The following ARHGAP24 variants were observed in gnomAD, a reference collection of about 807,000 sequenced individuals.
ARHGAP24 encodes Rho GTPase activating protein 24, also known as rho GTPase-activating protein 24.
A neutral mutation model predicts 76.4 loss-of-function variants in ARHGAP24; 50 were observed. The observed-to-expected ratio is 0.65, with a 90% confidence interval of 0.52 to 0.83. ARHGAP24 has a LOEUF of 0.83. Ranked by LOEUF, ARHGAP24 falls within the 40% of genes least tolerant of loss-of-function variation. ARHGAP24 has a pLI of 0.00. For missense variants in ARHGAP24, 930 were observed against 914.2 expected (o/e 1.02, Z -0.22); for synonymous variants, 345 against 323.3 (o/e 1.07, Z -0.72).
chr4:85,864,958 G>C (rs1320360260), intron 3 of ARHGAP24, among the ~76,000 whole-genome samples: 8 of 152,042 alleles, frequency 5.3e-5, no homozygotes, highest in Non-Finnish European at 1.0e-4. Context: ...CTGTCATTGT[G>C]AGAAAATAAG....
chr4:85,830,389 G>A (rs190003464), intron 3 of ARHGAP24, among the ~76,000 whole-genome samples: 1 of 152,282 alleles, frequency 6.6e-6, no homozygotes, highest in East Asian at 1.9e-4. Context: ...TGTGTCCATC[G>A]TGCCTAGCAT....
At chr4:85,551,480 T>C (rs1216870903) in intron 1 of ARHGAP24, among the ~76,000 whole-genome samples, 1 of 152,228 alleles carries the variant, frequency 6.6e-6, no homozygotes, top group Admixed American at 6.5e-5. Flanking sequence ...GATATCGGCC[T>C]GACATTTTCT....
chr4:85,637,848 T>C (rs1272794033), intron 2 of ARHGAP24, among the ~76,000 whole-genome samples: 2 of 152,024 alleles, frequency 1.3e-5, no homozygotes, highest in Non-Finnish European at 2.9e-5. Flanking sequence ...CAAAGACATA[T>C]TTGAGGTTTT....
intron 2 of ARHGAP24, among the ~76,000 whole-genome samples, chr4:85,621,478 G>C (rs754388822): frequency 2.2e-4 from 34 of 152,074 alleles, no homozygotes; most frequent in Non-Finnish European, 4.6e-4. Flanking sequence ...ATGGGAGATG[G>C]TATCTCATTG....
At chr4:85,525,257 C>CTT (rs34087239) in intron 1 of ARHGAP24, among the ~76,000 whole-genome samples, 11,357 of 128,244 alleles carry the variant, frequency 0.089, 1,533 homozygotes, top group African/African-American at 0.29. Context: ...GTATTATCGG[C>CTT]TTTTTTTTTT....
chr4:85,849,002 A>T (rs559865919), intron 3 of ARHGAP24, among the ~76,000 whole-genome samples: 1 of 151,152 alleles, frequency 6.6e-6, no homozygotes, highest in Non-Finnish European at 1.5e-5. Flanking sequence ...TGGTAGCTTG[A>T]TGGGGATGGC....
At chr4:85,689,754 G>A (rs1723560258) in intron 2 of ARHGAP24, among the ~76,000 whole-genome samples, 1 of 152,150 alleles carries the variant, frequency 6.6e-6, no homozygotes, top group Non-Finnish European at 1.5e-5. Context: ...TTAGTTCTAG[G>A]AGCCTTTTGT....
chr4:85,499,562 A>G (rs1006472540), intron 1 of ARHGAP24, among the ~76,000 whole-genome samples: 1 of 152,256 alleles, frequency 6.6e-6, no homozygotes, highest in Non-Finnish European at 1.5e-5. Context: ...GTTCAAATGA[A>G]GAGAGCTCTT....
At chr4:85,935,587 T>A (rs1414104185) in intron 4 of ARHGAP24, among the ~76,000 whole-genome samples, 1 of 152,244 alleles carries the variant, frequency 6.6e-6, no homozygotes, top group African/African-American at 2.4e-5. Context: ...ACTTTTAGAA[T>A]CATATGGAGC....
At chr4:85,958,014 T>C (rs1031474711) in intron 5 of ARHGAP24, among the ~76,000 whole-genome samples, 1 of 152,216 alleles carries the variant, frequency 6.6e-6, no homozygotes, top group Non-Finnish European at 1.5e-5. Flanking sequence ...TAAATAAAAG[T>C]GCCCAATTAA....
intron 4 of ARHGAP24, among the ~76,000 whole-genome samples, chr4:85,933,032 C>T (rs1459714952): frequency 6.6e-6 from 1 of 152,174 alleles, no homozygotes; most frequent in Non-Finnish European, 1.5e-5. Context: ...CCTCTCAATT[C>T]TGGGTTCCTA....
At chr4:85,775,068 A>G (rs1004521569) in intron 3 of ARHGAP24, among the ~76,000 whole-genome samples, 1 of 152,208 alleles carries the variant, frequency 6.6e-6, no homozygotes, top group Non-Finnish European at 1.5e-5. Context: ...ACTGACTACT[A>G]AAATGGATAA....
chr4:85,675,798 A>G (rs1034051954), intron 2 of ARHGAP24, among the ~76,000 whole-genome samples: 2 of 152,178 alleles, frequency 1.3e-5, no homozygotes, highest in African/African-American at 4.8e-5. Context: ...TATTGTTTGA[A>G]CATTCCTCTG....
chr4:85,653,577 G>A (rs1484796217), intron 2 of ARHGAP24, among the ~76,000 whole-genome samples: 1 of 151,984 alleles, frequency 6.6e-6, no homozygotes, highest in Non-Finnish European at 1.5e-5. Flanking sequence ...AGATTCAAGC[G>A]GTTCTCCTTT....
chr4:85,881,202 A>G (rs1733233275), intron 3 of ARHGAP24, among the ~76,000 whole-genome samples: 1 of 152,188 alleles, frequency 6.6e-6, no homozygotes, highest in East Asian at 1.9e-4. Context: ...GGATGAGTCC[A>G]TGACTCCATG....
At chr4:85,482,314 A>G (rs1175386413) in intron 1 of ARHGAP24, among the ~76,000 whole-genome samples, 3 of 152,240 alleles carry the variant, frequency 2.0e-5, no homozygotes, top group Non-Finnish European at 4.4e-5. Context: ...GCTTTCTCAC[A>G]TTTCTAAATA....
At chr4:85,926,193 C>T (rs1736016962) in intron 4 of ARHGAP24, among the ~76,000 whole-genome samples, 1 of 152,164 alleles carries the variant, frequency 6.6e-6, no homozygotes, top group Non-Finnish European at 1.5e-5. Flanking sequence ...GGAAGGGACA[C>T]TCAAATAGTT....
intron 3 of ARHGAP24, among the ~76,000 whole-genome samples, chr4:85,858,769 C>T (rs915109555): frequency 7.9e-5 from 12 of 151,780 alleles, no homozygotes; most frequent in African/African-American, 1.7e-4. Flanking sequence ...TCTGTACAAA[C>T]GGTAGTGATA....
intron 1 of ARHGAP24, among the ~76,000 whole-genome samples, chr4:85,553,713 T>C (rs1226313587): frequency 6.6e-6 from 1 of 152,196 alleles, no homozygotes; most frequent in Non-Finnish European, 1.5e-5. Flanking sequence ...CTCAATTGCA[T>C]GTGAGATGAG....
Sources: gnomAD v4.1 joint callset for allele counts (sites outside exome capture counted in the v4.1 genomes callset) on GRCh38, gnomAD v4.1.1 for gene constraint, MANE v1.5 for transcripts, NCBI Gene and HGNC (gene_info 2026-07-23, HGNC 2026-07-21) for gene names.